KLK1: variants seen among roughly 807,000 people sequenced by gnomAD.
KLK1 encodes the protein kallikrein 1.
A neutral mutation model predicts 23.3 loss-of-function variants in KLK1; 22 were observed. The ratio of observed to expected loss-of-function variants is 0.95; its 90% CI spans 0.68 to 1.35. The LOEUF (loss-of-function observed/expected upper bound fraction) is 1.35, where lower values mean the gene tolerates loss of function less well. Ranked by LOEUF, KLK1 falls within the 40% of genes most tolerant of loss-of-function variation. The probability of loss-of-function intolerance (pLI) is 0.00; values close to 1 mark genes in which losing one functional copy is unlikely to be tolerated. For synonymous variants in KLK1, 140 were observed against 135.8 expected (o/e 1.03, Z -0.21); for missense variants, 301 against 338.9 (o/e 0.89, Z 0.88).
intron 4 of KLK1, 116 bp downstream of exon 4, chr19:50,819,783 G>A: frequency 9.8e-7 from 1 of 1,023,746 alleles, no homozygotes; most frequent in Non-Finnish European, 1.5e-6. Flanking sequence ...TGGGGCGAGT[G>A]GCTACAGCTA....
In KLK1 at chr19:50,821,790, TAC is replaced by T; in HGVS notation, c.126_127del (p.Tyr43ProfsTer39). 6.2e-7 allele frequency: 1 copy of T among 1,613,920 alleles called. No individual in the cohort carries two copies. Among genetic ancestry groups the T allele is most frequent in the Non-Finnish European group, 8.5e-7 (1 of 1,179,986 alleles). On this transcript the variant is annotated frameshift_variant, in exon 2 of 5. Transcript: ENST00000301420. LOFTEE classifies it high-confidence loss of function. This position sits in a 1 kb window ranked among gnomAD's most constrained non-coding sequence, Gnocchi z 5.6. ...CCCACACTGGAAAGTGCTGAAATGG[TAC>T]AGAGCCGCCTGCCAGGGCTGGGAAT...
Position 50,819,924 on chromosome 19 carries a change from A to G in KLK1, c.608T>C (p.Leu203Pro), listed in dbSNP as rs763152230. Residue 203 changes from leucine (L) to proline (P), a missense_variant, in exon 4 of 5, where the codon CTG becomes CCG. Leu to Pro is a moderately conservative substitution (Grantham distance 98). Coordinates refer to ENST00000301420, the MANE Select transcript of KLK1 (RefSeq NM_002257.4). Reference sequence around the variant, plus strand: ...CACACAGGTGTCTTTGCCACCTTCCAGGTGTCCGACACACAGCATGAAGTC... The same window carrying G: ...CACACAGGTGTCTTTGCCACCTTCCGGGTGTCCGACACACAGCATGAAGTC... Reference protein sequence around the residue: ...VTDFMLCVGHLEGGKDTCVGD... With the variant: ...VTDFMLCVGHPEGGKDTCVGD... 3 of 1,614,068 alleles carry G rather than the reference A, an allele frequency of 1.9e-6. No individual in the cohort carries two copies. The highest frequency in any genetic ancestry group is 1.7e-5 in the Admixed American group (1 of 60,008).
Position 50,820,319 on chromosome 19 carries a change from G to A in KLK1, c.331C>T (p.Arg111Cys), listed in dbSNP as rs371467229. The change falls in exon 3 of 5, where the codon CGC (arginine) becomes TGC (cysteine). Residue 111 changes from arginine to cysteine, a missense_variant. Transcript: ENST00000301420. ...FNMSLLENHT[R>C]QADEDYSHDL... The stretch of plus-strand genomic sequence containing the variant: ...TGGCTGTAGTCCTCGTCTGCTTGGC[G>A]GGTGTGGTTCTCCAGGAGGCTCATG... 1.0e-4 allele frequency: 163 copies of A among 1,613,912 alleles called. No individual in the cohort carries two copies. The highest frequency in any genetic ancestry group is 1.6e-4 in the Middle Eastern group (1 of 6,084).
chr19:50,820,495 A>ATGGGTAAATGGGTT, intron 2 of KLK1, 52 bp from the exon 3 acceptor site: 3 of 308,334 alleles, frequency 9.7e-6, no homozygotes, highest in Non-Finnish European at 1.8e-5. Flanking sequence ...GGAAAAGGGG[A>ATGGGTAAATGGGTT]TGGGGCAGGG....
chr19:50,819,194 T>G lies in KLK1; in HGVS notation c.789A>C (p.Ter263CysextTer10), dbSNP rs539615604. Residue 263 changes from the stop codon to cysteine (C), a stop_lost, in exon 5 of 5, where the codon TGA becomes TGC. Coordinates refer to ENST00000301420, the MANE Select transcript of KLK1 (RefSeq NM_002257.4). ...WIEDTIAENS[*>C] is the part of the protein sequence containing the mutation. Reference sequence around the variant, plus strand: ...GGGGGTAGGGGACAGGGCTGGGCGTTCAGGAGTTCTCCGCTATGGTGTCCT... The same window carrying G: ...GGGGGTAGGGGACAGGGCTGGGCGTGCAGGAGTTCTCCGCTATGGTGTCCT... The G allele has an allele frequency of 9.6e-5, 155 of 1,610,990 alleles. No individual in the cohort carries two copies. The South Asian group carries it at 1.6e-3, about 17-fold the overall frequency.
rs1349635998 is a variant in KLK1 at position 50,821,267 on chromosome 19, CCCTT to C, written c.206+441_206+444del. 3.9e-5 allele frequency among the ~76,000 whole-genome samples: 6 copies of C among 152,066 alleles called. No individual in the cohort carries two copies. Among genetic ancestry groups the C allele is most frequent in the Non-Finnish European group, 7.4e-5 (5 of 68,008 alleles). The stretch of plus-strand genomic sequence containing the variant: ...CCAGGCACACAAGTTGGGGATAAAG[CCCTT>C]CCTTTACTCTGGGGCCTCCCTTAGG... On this transcript the variant is annotated intron_variant, in intron 2 of 4. Coordinates refer to ENST00000301420, the MANE Select transcript of KLK1 (RefSeq NM_002257.4). The surrounding 1 kb of genome is among the most constrained non-coding windows in gnomAD (Gnocchi z 5.6).
At chr19:50,820,706 G>A in intron 2 of KLK1, 2 of 361,328 alleles carry the variant, frequency 5.5e-6, no homozygotes, top group South Asian at 1.2e-4. Context: ...GCGGAGGGGA[G>A]GGCAGTGAGA....
rs754408640 is a variant in KLK1, at chr19:50,820,302, G to C, written c.348C>G (p.Asp116Glu). The change falls in exon 3 of 5, where the codon GAC (aspartate) becomes GAG (glutamate). Residue 116 changes from aspartate (D) to glutamate (E), a missense_variant. Coordinates refer to ENST00000301420, the MANE Select transcript of KLK1 (RefSeq NM_002257.4). ...GGAGCAGCATGAGGTCGTGGCTGTA[G>C]TCCTCGTCTGCTTGGCGGGTGTGGT... ...LENHTRQADE[D>E]YSHDLMLLRL... The C allele has an allele frequency of 8.7e-6, 14 of 1,613,958 alleles. No individual in the cohort carries two copies. The highest frequency in any genetic ancestry group is 1.2e-5 in the Non-Finnish European group (14 of 1,180,014).
intron 1 of KLK1, among the ~76,000 whole-genome samples, chr19:50,823,304 G>T (rs533738606): frequency 3.2e-4 from 48 of 152,204 alleles, no homozygotes; most frequent in African/African-American, 1.1e-3. Context: ...AGGGAACTAG[G>T]GGGCAGGAGG....
At position 50,821,655 on chromosome 19, in the gene KLK1, C is replaced by T. The variant is rs1568480476; in HGVS notation, c.206+57G>A. 2.6e-6 allele frequency: 4 copies of T among 1,510,966 alleles called. No individual in the cohort carries two copies. Among genetic ancestry groups the T allele is most frequent in the Non-Finnish European group, 3.6e-6 (4 of 1,126,260 alleles). The allele number at this position is 1,510,966 out of a possible 1,614,324, so 93.6% of individuals were successfully genotyped here. Reference sequence around the variant, plus strand: ...GTTATCCAAGGGGAATGCCACTGGCCTGTCAATCCTGTGGCAGCATAGATG... The same window carrying T: ...GTTATCCAAGGGGAATGCCACTGGCTTGTCAATCCTGTGGCAGCATAGATG... On this transcript the variant is annotated intron_variant, in intron 2 of 4. Coordinates refer to ENST00000301420, the MANE Select transcript of KLK1 (RefSeq NM_002257.4). This position sits in a 1 kb window ranked among gnomAD's most constrained non-coding sequence, Gnocchi z 5.6.
chr19:50,822,092 C>T (rs2089831965), intron 1 of KLK1: 6 of 1,336,480 alleles, frequency 4.5e-6, no homozygotes, highest in African/African-American at 3.0e-5. Flanking sequence ...AGATTTTGTG[C>T]TCTGACAGTA....
chr19:50,822,922 A>T (rs1326510548), intron 1 of KLK1: 3 of 985,252 alleles, frequency 3.0e-6, no homozygotes, highest in Middle Eastern at 5.2e-4. Context: ...GGCATTCAGG[A>T]TCCTTGGGGT....
rs1285779860 is a variant in KLK1 at position 50,821,878 on chromosome 19, A to G, written c.47-7T>C. ...TGAATCGGGGGCGCAGCACCTGCAGAGGCGGTGCTGGGTCAGGAAGGGCAG... is the reference window on the plus strand; with the variant it reads ...TGAATCGGGGGCGCAGCACCTGCAGGGGCGGTGCTGGGTCAGGAAGGGCAG... On this transcript the variant is annotated splice_polypyrimidine_tract_variant and splice_region_variant and intron_variant, in intron 1 of 4. Coordinates refer to ENST00000301420, the MANE Select transcript of KLK1 (RefSeq NM_002257.4). This position sits in a 1 kb window ranked among gnomAD's most constrained non-coding sequence, Gnocchi z 5.6. The G allele has an allele frequency of 6.2e-7, 1 of 1,603,228 alleles. No individual in the cohort carries two copies. Among genetic ancestry groups the G allele is most frequent in the Non-Finnish European group, 8.5e-7 (1 of 1,173,196 alleles).
At chr19:50,822,633 G>T (rs2089834910) in intron 1 of KLK1, 3 of 984,264 alleles carry the variant, frequency 3.0e-6, no homozygotes, top group Non-Finnish European at 3.6e-6. Flanking sequence ...TTGCGGTCAG[G>T]ACTGGGACGG....
Position 50,821,578 on chromosome 19 carries a change from C to CGACCT in KLK1, c.206+129_206+133dup. 7.9e-7 allele frequency: 1 copy of CGACCT among 1,263,424 alleles called. No individual in the cohort carries two copies. The highest frequency in any genetic ancestry group is 1.1e-6 in the Non-Finnish European group (1 of 951,566). The allele number at this position is 1,263,424 out of a possible 1,614,324, so 78.3% of individuals were successfully genotyped here. On this transcript the variant is annotated intron_variant, in intron 2 of 4. Coordinates refer to ENST00000301420, the MANE Select transcript of KLK1 (RefSeq NM_002257.4). The surrounding 1 kb of genome is among the most constrained non-coding windows in gnomAD (Gnocchi z 5.6). ...TCCAGCCCAGCTCTGCCCTGCCAGG[C>CGACCT]GACCTGCGCCAGAGCCTTCCTCTCT...
intron 1 of KLK1, among the ~76,000 whole-genome samples, chr19:50,823,426 C>A (rs1277187434): frequency 6.6e-6 from 1 of 151,824 alleles, no homozygotes; most frequent in African/African-American, 2.4e-5. Context: ...TGGGACAGGG[C>A]GTTGGCTAGG....
At chr19:50,822,031 GA>G (rs1206116009) in intron 1 of KLK1, 160 bp from the exon 2 acceptor site, 1 of 1,412,126 alleles carries the variant, frequency 7.1e-7, no homozygotes. Flanking sequence ...GAAGGGGTGG[GA>G]CTCTGGACTG....
At chr19:50,822,467 G>C in intron 1 of KLK1, 1 of 985,642 alleles carries the variant, frequency 1.0e-6, no homozygotes, top group South Asian at 4.7e-5. Flanking sequence ...GAAGGGGCCA[G>C]CTTGGCTGGG....
rs771504074 is a variant in KLK1 at position 50,821,775 on chromosome 19, A to C, written c.143T>G (p.Phe48Cys). 3 of 1,613,922 alleles carry C rather than the reference A, an allele frequency of 1.9e-6. No individual in the cohort carries two copies. Among genetic ancestry groups the C allele is most frequent in the Non-Finnish European group, 2.5e-6 (3 of 1,179,968 alleles). Residue 48 changes from phenylalanine to cysteine, a missense_variant, in exon 2 of 5, where the codon TTC becomes TGC. Coordinates refer to ENST00000301420, the MANE Select transcript of KLK1 (RefSeq NM_002257.4). This position sits in a 1 kb window ranked among gnomAD's most constrained non-coding sequence, Gnocchi z 5.6. ...WQAALYHFST[F>C]QCGGILVHRQ... ...GTGCACCAGGATGCCCCCACACTGG[A>C]AAGTGCTGAAATGGTACAGAGCCGC... is the stretch of plus-strand genomic sequence containing the variant.
Sources: gnomAD v4.1 joint callset for allele counts (sites outside exome capture counted in the v4.1 genomes callset) on GRCh38, gnomAD v4.1.1 for gene constraint, Gnocchi (gnomAD v3.1) non-coding constraint, MANE v1.5 for transcripts, NCBI Gene and HGNC (gene_info 2026-07-23, HGNC 2026-07-21) for gene names.